The following SV2B variants were observed in gnomAD, a reference collection of about 807,000 sequenced individuals.
The protein encoded by SV2B is solute carrier family 22 member B2.
Under a neutral mutation model 73.9 loss-of-function variants are expected in SV2B, and 41 were observed. The observed-to-expected ratio is 0.56, with a 90% CI of 0.43 to 0.72. The LOEUF (loss-of-function observed/expected upper bound fraction) is 0.72. Among genes scored for constraint, SV2B ranks in the 30% least tolerant of loss-of-function variants. The probability of loss-of-function intolerance (pLI) is 0.00; values close to 1 mark genes in which losing one functional copy is unlikely to be tolerated. For synonymous variants in SV2B, 314 were observed against 314.2 expected (o/e 1.00, Z 0.01); for missense variants, 764 against 857.8 (o/e 0.89, Z 1.37).
rs559554902 is a variant in SV2B, at chr15:91,220,128, C to G, written c.-391-5745C>G. Reference sequence around the variant, plus strand: ...TTTTTATTTATCTTGGGTAGATTCTCAGAATGGAACTGCTGGGTTATTTGG... The same window carrying G: ...TTTTTATTTATCTTGGGTAGATTCTGAGAATGGAACTGCTGGGTTATTTGG... On this transcript the variant is annotated intron_variant, in intron 1 of 12. Coordinates refer to ENST00000394232, the MANE Select transcript of SV2B (RefSeq NM_001323032.3). This position sits in a 1 kb window ranked among gnomAD's most constrained non-coding sequence, Gnocchi z 4.1. 6.6e-6 allele frequency among the ~76,000 whole-genome samples: 1 copy of G among 152,322 alleles called. No homozygotes were observed. The highest frequency in any genetic ancestry group is 2.4e-5 in the African/African-American group (1 of 41,580).
rs543488496 is a variant in SV2B at position 91,280,668 on chromosome 15, T to C, written c.1374-1060T>C. Among the ~76,000 whole-genome samples the C allele has an allele frequency of 5.7e-4, 87 of 152,356 alleles. No individual in the cohort carries two copies. Among genetic ancestry groups the C allele is most frequent in the Non-Finnish European group, 1.1e-3 (77 of 68,030 alleles). On this transcript the variant is annotated intron_variant, in intron 9 of 12. Coordinates refer to ENST00000394232, the MANE Select transcript of SV2B (RefSeq NM_001323032.3). The surrounding 1 kb of genome is among the most constrained non-coding windows in gnomAD (Gnocchi z 5.8). ...TCTTTCCTATTAAATATGCAGGAGTTGGAGAGGTGCAGTGACTCCCACATG... is the reference window on the plus strand; with the variant it reads ...TCTTTCCTATTAAATATGCAGGAGTCGGAGAGGTGCAGTGACTCCCACATG...
intron 9 of SV2B, among the ~76,000 whole-genome samples, chr15:91,277,036 A>G (rs1355193217): frequency 6.6e-6 from 1 of 152,000 alleles, no homozygotes; most frequent in Non-Finnish European, 1.5e-5. Context: ...TGGTCAGGCT[A>G]GTCTCAAATT....
At chr15:91,259,457 A>G (rs1168608929) in intron 5 of SV2B, among the ~76,000 whole-genome samples, 2 of 152,096 alleles carry the variant, frequency 1.3e-5, no homozygotes, top group African/African-American at 4.8e-5. Flanking sequence ...GTCCGTGTTC[A>G]CCCCTTTGAT....
Position 91,229,887 on chromosome 15 carries a change from G to T in SV2B, c.451+3173G>T, listed in dbSNP as rs1203592704. Among the ~76,000 whole-genome samples the T allele has an allele frequency of 6.6e-6, 1 of 152,186 alleles. No homozygotes were observed. The highest frequency in any genetic ancestry group is 2.4e-5 in the African/African-American group (1 of 41,460). On this transcript the variant is annotated intron_variant, in intron 2 of 12. Transcript: ENST00000394232. The surrounding 1 kb of genome is among the most constrained non-coding windows in gnomAD (Gnocchi z 4.3). ...TCCTGCCTCAGCTGGCGAAAAGGCT[G>T]TTTATGTTTGAGTGCTGCTAACTCA...
At chr15:91,169,930 T>A (rs1322003541) in intron 1 of SV2B, among the ~76,000 whole-genome samples, 1 of 152,182 alleles carries the variant, frequency 6.6e-6, no homozygotes, top group East Asian at 1.9e-4. Context: ...GCGGCGCAAA[T>A]AAGACTGCAA....
At chr15:91,174,391 T>C (rs545239691) in intron 1 of SV2B, among the ~76,000 whole-genome samples, 36 of 143,764 alleles carry the variant, frequency 2.5e-4, no homozygotes, top group Admixed American at 2.1e-3. Flanking sequence ...TGTAAACTGT[T>C]TGAGAGTGCT....
At chr15:91,156,440 C>T (rs1048173028) in intron 1 of SV2B, among the ~76,000 whole-genome samples, 3 of 152,172 alleles carry the variant, frequency 2.0e-5, no homozygotes, top group Non-Finnish European at 4.4e-5. Context: ...ACATTTTAAG[C>T]ACCAGATTCG....
intron 6 of SV2B, among the ~76,000 whole-genome samples, chr15:91,263,039 A>G (rs1322560460): frequency 6.6e-6 from 1 of 152,178 alleles, no homozygotes; most frequent in Non-Finnish European, 1.5e-5. Context: ...TGGTTTTTGC[A>G]CTACATCAAC....
rs1406540050 is a variant in SV2B at position 91,106,088 on chromosome 15, A to G, written c.-392+5725A>G. ...TAAAAAAAGATGGTGAGAAGTGGCT[A>G]AATTCATAAAGCAGGCAGGATGTGT... On this transcript the variant is annotated intron_variant, in intron 1 of 12. Coordinates refer to ENST00000394232, the MANE Select transcript of SV2B (RefSeq NM_001323032.3). The surrounding 1 kb of genome is among the most constrained non-coding windows in gnomAD (Gnocchi z 4.4). 2.6e-5 allele frequency among the ~76,000 whole-genome samples: 4 copies of G among 152,192 alleles called. No individual in the cohort carries two copies. Among genetic ancestry groups the G allele is most frequent in the African/African-American group, 9.7e-5 (4 of 41,444 alleles).
intron 1 of SV2B, among the ~76,000 whole-genome samples, chr15:91,147,372 C>T (rs1039648321): frequency 1.3e-5 from 2 of 152,178 alleles, no homozygotes; most frequent in African/African-American, 4.8e-5. Flanking sequence ...GGTGTTCCAG[C>T]TTGCCCAGAT....
intron 1 of SV2B, among the ~76,000 whole-genome samples, chr15:91,215,725 A>G (rs1233618625): frequency 1.3e-5 from 2 of 152,268 alleles, no homozygotes; most frequent in South Asian, 4.1e-4. Context: ...TTATATTCCC[A>G]TAAGATTTAG....
At chr15:91,266,746 C>G in intron 7 of SV2B, 54 bp downstream of exon 7, 1 of 1,404,202 alleles carries the variant, frequency 7.1e-7, no homozygotes, top group Admixed American at 2.0e-5. Context: ...GAGTCTCTTA[C>G]CTTAGTGGAT....
rs1267714114 is a variant in SV2B at position 91,121,115 on chromosome 15, G to A, written c.-392+20752G>A. ...TTAACACGCTAATTTTTGGTCTTAT[G>A]TTAGTAACTCGTTTCATTTTTTTTT... On this transcript the variant is annotated intron_variant, in intron 1 of 12. Transcript: ENST00000394232. This position sits in a 1 kb window ranked among gnomAD's most constrained non-coding sequence, Gnocchi z 4.4. Among the ~76,000 whole-genome samples the A allele has an allele frequency of 6.8e-6, 1 of 146,420 alleles. No individual in the cohort carries two copies. Among genetic ancestry groups the A allele is most frequent in the East Asian group, 1.9e-4 (1 of 5,196 alleles).
chr15:91,282,039 C>G (rs761283147), intron 10 of SV2B, among the ~76,000 whole-genome samples, 178 bp downstream of exon 10: 1 of 152,196 alleles, frequency 6.6e-6, no homozygotes, highest in African/African-American at 2.4e-5. Flanking sequence ...AGGTGCACAG[C>G]CTTTGCTAAG....
chr15:91,291,663 G>C (rs1372360478), intron 12 of SV2B, among the ~76,000 whole-genome samples: 1 of 152,196 alleles, frequency 6.6e-6, no homozygotes, highest in Non-Finnish European at 1.5e-5. Context: ...TCCTGAAAAA[G>C]TCTAGAGTGG....
chr15:91,138,043 G>A (rs778639590), intron 1 of SV2B, among the ~76,000 whole-genome samples: 5 of 152,160 alleles, frequency 3.3e-5, no homozygotes, highest in Non-Finnish European at 7.3e-5. Context: ...GCCAATGAGT[G>A]TTAACATCAC....
At position 91,294,955 on chromosome 15, in the gene SV2B, G is replaced by A. The variant is rs1163531599; in HGVS notation, c.*2403G>A. 6.6e-6 allele frequency: 1 copy of A among 152,550 alleles called. No individual in the cohort carries two copies. Among genetic ancestry groups the A allele is most frequent in the Non-Finnish European group, 1.5e-5 (1 of 68,044 alleles). 9.4% of individuals were successfully genotyped at this position (152,550 alleles called of 1,614,324 possible). A position where few individuals can be genotyped will look rare whatever the true frequency, so the allele number is the denominator to read the frequency against. On this transcript the variant is annotated 3_prime_UTR_variant, in exon 13 of 13. Transcript: ENST00000394232. This position sits in a 1 kb window ranked among gnomAD's most constrained non-coding sequence, Gnocchi z 4.1. ...TGCAGGATTGTCTAGCCTGAGTACC[G>A]GGCTACTTCTTAAATGCCGTCACTC...
At chr15:91,230,838 C>A (rs1463541115) in intron 2 of SV2B, among the ~76,000 whole-genome samples, 1 of 152,182 alleles carries the variant, frequency 6.6e-6, no homozygotes, top group Non-Finnish European at 1.5e-5. Flanking sequence ...TAAACACAAA[C>A]ACCACGACAT....
chr15:91,195,693 T>C (rs758375629), intron 1 of SV2B, among the ~76,000 whole-genome samples: 3 of 152,180 alleles, frequency 2.0e-5, no homozygotes, highest in Non-Finnish European at 4.4e-5. Flanking sequence ...GCGTGTGATT[T>C]TGGGTACATT....
Sources: gnomAD v4.1 joint callset for allele counts (sites outside exome capture counted in the v4.1 genomes callset) on GRCh38, gnomAD v4.1.1 for gene constraint, Gnocchi (gnomAD v3.1) non-coding constraint, MANE v1.5 for transcripts, NCBI Gene and HGNC (gene_info 2026-07-23, HGNC 2026-07-21) for gene names.